NCAM2: variants seen among roughly 807,000 people sequenced by gnomAD.
NCAM2 encodes N-CAM-2.
A neutral mutation model predicts 98.1 loss-of-function variants in NCAM2; 30 were observed. That is an observed-to-expected ratio of 0.31 (90% CI 0.23 to 0.41). The LOEUF is 0.41. Ranked by LOEUF, NCAM2 falls within the 10% of genes least tolerant of loss-of-function variation. The pLI is 1.00. For synonymous variants in NCAM2, 368 were observed against 342.4 expected (o/e 1.07, Z -0.83); for missense variants, 867 against 1,005.8 (o/e 0.86, Z 1.87).
intron 1 of NCAM2, among the ~76,000 whole-genome samples, chr21:21,091,558 A>C (rs1214787649): frequency 6.6e-6 from 1 of 152,194 alleles, no homozygotes; most frequent in Non-Finnish European, 1.5e-5. Flanking sequence ...TTACAGTTCC[A>C]TGTGGCTGGG....
intron 1 of NCAM2, among the ~76,000 whole-genome samples, chr21:21,135,568 G>A (rs1429598171): frequency 3.9e-5 from 6 of 152,232 alleles, no homozygotes; most frequent in East Asian, 1.9e-4. Flanking sequence ...CTTGTCACTC[G>A]AAGCTCTTCT....
chr21:21,017,291 T>C (rs1223933164), intron 1 of NCAM2, among the ~76,000 whole-genome samples: 1 of 151,596 alleles, frequency 6.6e-6, no homozygotes, highest in South Asian at 2.1e-4. Flanking sequence ...CTGGGCGTGG[T>C]GGTACATGCC....
At position 21,174,952 on chromosome 21, in the gene NCAM2, A is replaced by G. The variant is rs538486778; in HGVS notation, c.56-105626A>G. ...GGGAATCTATACATAATAATACCGT[A>G]AATCAAGAAAGAACTTGACATGGAG... is the stretch of plus-strand genomic sequence containing the variant. On this transcript the variant is annotated intron_variant, in intron 1 of 17. Coordinates refer to ENST00000400546, the MANE Select transcript of NCAM2 (RefSeq NM_004540.5). Among the ~76,000 whole-genome samples, 11 of 152,226 alleles carry G rather than the reference A, an allele frequency of 7.2e-5. 1 individual carries two copies. The South Asian group carries it at 2.3e-3, about 32-fold the overall frequency.
intron 5 of NCAM2, among the ~76,000 whole-genome samples, chr21:21,310,570 G>A (rs570923473): frequency 3.3e-5 from 5 of 152,302 alleles, no homozygotes; most frequent in Non-Finnish European, 5.9e-5. Context: ...TTCTCCAGGA[G>A]GATGGGCTGT....
intron 1 of NCAM2, among the ~76,000 whole-genome samples, chr21:21,127,116 A>G (rs1418544640): frequency 6.6e-6 from 1 of 152,002 alleles, no homozygotes; most frequent in Non-Finnish European, 1.5e-5. Flanking sequence ...TTCTATTTAC[A>G]TGACGGTTTT....
At chr21:21,174,296 T>C (rs538794297) in intron 1 of NCAM2, among the ~76,000 whole-genome samples, 1 of 152,260 alleles carries the variant, frequency 6.6e-6, no homozygotes, top group East Asian at 1.9e-4. Context: ...GAGTACTAGA[T>C]TTAACAAATA....
chr21:21,505,978 T>C (rs1987955295), intron 15 of NCAM2, among the ~76,000 whole-genome samples: 1 of 151,938 alleles, frequency 6.6e-6, no homozygotes, highest in African/African-American at 2.4e-5. Context: ...AAGCTAATGA[T>C]GGTAAGTGAT....
chr21:21,520,754 C>G (rs914644947), intron 16 of NCAM2, among the ~76,000 whole-genome samples: 5 of 152,064 alleles, frequency 3.3e-5, no homozygotes, highest in African/African-American at 7.2e-5. Flanking sequence ...CACAACTTAT[C>G]AGAGCAGAAA....
At chr21:21,216,253 A>G (rs990742205) in intron 1 of NCAM2, among the ~76,000 whole-genome samples, 1 of 152,188 alleles carries the variant, frequency 6.6e-6, no homozygotes, top group African/African-American at 2.4e-5. Context: ...TGGGAAAGAA[A>G]ATACAACAAA....
At chr21:21,192,222 A>AAAAAACAAAAAAAC (rs1019388832) in intron 1 of NCAM2, among the ~76,000 whole-genome samples, 1 of 152,102 alleles carries the variant, frequency 6.6e-6, no homozygotes, top group Non-Finnish European at 1.5e-5. Context: ...AAACTCCCTC[A>AAAAAACAAAAAAAC]AAAAACAAAA....
At chr21:21,220,232 A>C (rs1397850162) in intron 1 of NCAM2, among the ~76,000 whole-genome samples, 1 of 152,154 alleles carries the variant, frequency 6.6e-6, no homozygotes, top group Non-Finnish European at 1.5e-5. Flanking sequence ...CCACTCATTC[A>C]TTCAGTCACC....
intron 11 of NCAM2, among the ~76,000 whole-genome samples, chr21:21,422,569 C>T (rs1460000403): frequency 1.3e-5 from 2 of 152,116 alleles, no homozygotes; most frequent in African/African-American, 2.4e-5. Context: ...CAGGAGTTGA[C>T]GTAGTCTTCT....
At chr21:21,385,290 A>G (rs1347493798) in intron 9 of NCAM2, among the ~76,000 whole-genome samples, 1 of 151,996 alleles carries the variant, frequency 6.6e-6, no homozygotes, top group East Asian at 1.9e-4. Context: ...CTATTAATAA[A>G]GCTCAGAATA....
At chr21:21,336,720 A>C (rs1418909891) in intron 7 of NCAM2, among the ~76,000 whole-genome samples, 6 of 152,192 alleles carry the variant, frequency 3.9e-5, no homozygotes, top group African/African-American at 1.4e-4. Context: ...GATATTTATA[A>C]AGCTTATTTT....
Position 21,490,603 on chromosome 21 carries a change from G to A in NCAM2, c.2077+13132G>A, listed in dbSNP as rs544304119. Reference sequence around the variant, plus strand: ...TATGTATGTACTGAATAGGGGCTACGACATAAATCTAGCTAGTCTTATTTT... The same window carrying A: ...TATGTATGTACTGAATAGGGGCTACAACATAAATCTAGCTAGTCTTATTTT... On this transcript the variant is annotated intron_variant, in intron 15 of 17. Transcript: ENST00000400546. Among the ~76,000 whole-genome samples, 131 of 151,746 alleles carry A rather than the reference G, an allele frequency of 8.6e-4. 1 individual carries two copies. Among genetic ancestry groups the A allele is most frequent in the African/African-American group, 3.1e-3 (127 of 41,498 alleles).
At chr21:21,283,483 A>C (rs1227236118) in intron 2 of NCAM2, among the ~76,000 whole-genome samples, 2 of 151,894 alleles carry the variant, frequency 1.3e-5, no homozygotes, top group Non-Finnish European at 2.9e-5. Context: ...TTTACCCTGT[A>C]ATGATTTGGT....
intron 1 of NCAM2, among the ~76,000 whole-genome samples, chr21:21,110,843 T>C (rs892054704): frequency 3.9e-5 from 6 of 152,006 alleles, no homozygotes; most frequent in African/African-American, 1.4e-4. Flanking sequence ...TGGCTTTTAA[T>C]TCAATTAAAT....
rs774175313 is a variant in NCAM2, at chr21:20,998,637, A to G, written c.55+19A>G. On this transcript the variant is annotated intron_variant, in intron 1 of 17. Coordinates refer to ENST00000400546, the MANE Select transcript of NCAM2 (RefSeq NM_004540.5). ...GGGCAAGGTAGGAGTGTGGCGCTTTATTGCATTTACTTTCCCTCCCCCTTC... is the reference window on the plus strand; with the variant it reads ...GGGCAAGGTAGGAGTGTGGCGCTTTGTTGCATTTACTTTCCCTCCCCCTTC... The G allele has an allele frequency of 1.1e-5, 17 of 1,612,500 alleles. No homozygotes were observed. In the Admixed American group the frequency reaches 2.8e-4, roughly 27 times the overall value.
intron 16 of NCAM2, among the ~76,000 whole-genome samples, chr21:21,530,543 T>C (rs1989634967): frequency 1.3e-5 from 2 of 150,662 alleles, no homozygotes; most frequent in Admixed American, 6.7e-5. Context: ...AAAAATAATA[T>C]CCTAGGATAC....
Sources: gnomAD v4.1 joint callset for allele counts (sites outside exome capture counted in the v4.1 genomes callset) on GRCh38, gnomAD v4.1.1 for gene constraint, MANE v1.5 for transcripts, NCBI Gene and HGNC (gene_info 2026-07-23, HGNC 2026-07-21) for gene names.